NPAS3: variants seen among roughly 807,000 people sequenced by gnomAD.
NPAS3 encodes the protein neuronal PAS domain-containing protein 3.
Under a neutral mutation model 73.1 loss-of-function variants are expected in NPAS3, and 14 were observed. The ratio of observed to expected loss-of-function variants is 0.19; its 90% CI spans 0.13 to 0.30. NPAS3 has a LOEUF of 0.30. Among genes scored for constraint, NPAS3 ranks in the 10% least tolerant of loss-of-function variants. The pLI is 1.00. For missense variants in NPAS3, 1,096 were observed against 1,250.0 expected (o/e 0.88, Z 1.86); for synonymous variants, 620 against 541.5 (o/e 1.14, Z -2.01).
At chr14:33,068,024 C>T in intron 2 of NPAS3, among the ~76,000 whole-genome samples, 1 of 152,342 alleles carries the variant, frequency 6.6e-6, no homozygotes. Context: ...AGTCTCCTAA[C>T]TAGTGTTCTT....
chr14:33,740,354 C>T (rs539586025), intron 7 of NPAS3, among the ~76,000 whole-genome samples: 1 of 152,304 alleles, frequency 6.6e-6, no homozygotes, highest in Non-Finnish European at 1.5e-5. Context: ...GCCTTCTTTC[C>T]AATACCCAAC....
chr14:33,264,560 T>A (rs1226217810), intron 3 of NPAS3, among the ~76,000 whole-genome samples: 1 of 152,184 alleles, frequency 6.6e-6, no homozygotes, highest in African/African-American at 2.4e-5. Context: ...CTCATATGAT[T>A]TAACTAGATT....
chr14:33,623,199 A>G (rs867276979), intron 5 of NPAS3, among the ~76,000 whole-genome samples: 3 of 152,142 alleles, frequency 2.0e-5, no homozygotes, highest in Non-Finnish European at 4.4e-5. Context: ...ATTAAGCTCA[A>G]TATTTTGCTA....
chr14:33,002,949 G>T (rs190298318), intron 1 of NPAS3, among the ~76,000 whole-genome samples: 2 of 152,246 alleles, frequency 1.3e-5, no homozygotes, highest in African/African-American at 4.8e-5. Flanking sequence ...GTATATTATT[G>T]TGTGAGTTAG....
At chr14:33,550,414 G>T (rs1328789432) in intron 4 of NPAS3, among the ~76,000 whole-genome samples, 2 of 152,238 alleles carry the variant, frequency 1.3e-5, no homozygotes, top group East Asian at 3.8e-4. Context: ...CACTGATGAA[G>T]ATTTCTTACG....
intron 7 of NPAS3, among the ~76,000 whole-genome samples, chr14:33,761,276 C>T (rs1312927352): frequency 1.3e-5 from 2 of 152,132 alleles, no homozygotes; most frequent in African/African-American, 4.8e-5. Context: ...TAAGCCTTTA[C>T]ACTGGCAGAG....
chr14:32,948,257 T>A (rs1290547797), intron 1 of NPAS3, among the ~76,000 whole-genome samples: 1 of 152,140 alleles, frequency 6.6e-6, no homozygotes, highest in African/African-American at 2.4e-5. Flanking sequence ...AAATTTATAT[T>A]TTGGGGATGT....
intron 3 of NPAS3, among the ~76,000 whole-genome samples, chr14:33,257,860 G>T (rs1271226266): frequency 6.6e-6 from 1 of 151,858 alleles, no homozygotes. Flanking sequence ...TATTTCAAGG[G>T]TATATTTTAT....
chr14:33,301,828 G>T (rs2042562166), intron 3 of NPAS3, among the ~76,000 whole-genome samples: 1 of 152,094 alleles, frequency 6.6e-6, no homozygotes, highest in Non-Finnish European at 1.5e-5. Flanking sequence ...TTCATTTTTA[G>T]TATTTTTACA....
At chr14:33,245,723 G>T (rs2048351566) in intron 3 of NPAS3, among the ~76,000 whole-genome samples, 1 of 152,132 alleles carries the variant, frequency 6.6e-6, no homozygotes, top group African/African-American at 2.4e-5. Context: ...AACACACTGT[G>T]TTGAGGACCT....
chr14:32,944,161 A>G (rs1206806437), intron 1 of NPAS3, among the ~76,000 whole-genome samples: 1 of 152,168 alleles, frequency 6.6e-6, no homozygotes, highest in Non-Finnish European at 1.5e-5. Context: ...GCAAAATGTC[A>G]CTAAATTTAA....
intron 4 of NPAS3, among the ~76,000 whole-genome samples, chr14:33,390,200 A>T (rs923887590): frequency 6.6e-6 from 1 of 152,166 alleles, no homozygotes; most frequent in Non-Finnish European, 1.5e-5. Flanking sequence ...AGTATTTTTC[A>T]TTTGATATGA....
intron 1 of NPAS3, among the ~76,000 whole-genome samples, chr14:33,009,921 A>T (rs917942707): frequency 3.3e-5 from 5 of 152,170 alleles, no homozygotes; most frequent in African/African-American, 1.2e-4. Flanking sequence ...ATTTTCCTTC[A>T]CCATAAAATA....
At chr14:33,379,816 G>A (rs2046462121) in intron 4 of NPAS3, among the ~76,000 whole-genome samples, 1 of 152,094 alleles carries the variant, frequency 6.6e-6, no homozygotes, top group Non-Finnish European at 1.5e-5. Context: ...TGGCTTAGAA[G>A]AATCAAATCA....
chr14:33,651,167 G>C (rs2058982580), intron 5 of NPAS3, among the ~76,000 whole-genome samples: 1 of 152,204 alleles, frequency 6.6e-6, no homozygotes, highest in Admixed American at 6.5e-5. Flanking sequence ...AACTTAGGCT[G>C]TGAAGCCTTT....
intron 7 of NPAS3, among the ~76,000 whole-genome samples, chr14:33,761,509 GAA>G (rs35319622): frequency 3.9e-4 from 53 of 134,946 alleles, no homozygotes; most frequent in African/African-American, 1.1e-3. Flanking sequence ...TTCCCCAGAA[GAA>G]AAAAAAAAAA....
intron 2 of NPAS3, among the ~76,000 whole-genome samples, chr14:33,180,022 C>A (rs983414674): frequency 6.6e-6 from 1 of 152,096 alleles, no homozygotes; most frequent in African/African-American, 2.4e-5. Flanking sequence ...TGTTTGCCCT[C>A]GGGTATATTT....
At chr14:33,195,004 A>G (rs1408503838) in intron 2 of NPAS3, among the ~76,000 whole-genome samples, 3 of 152,190 alleles carry the variant, frequency 2.0e-5, no homozygotes. Context: ...TTGCATTTGT[A>G]TCTACCCATG....
intron 4 of NPAS3, among the ~76,000 whole-genome samples, chr14:33,408,259 T>TA (rs1207962642): frequency 1.3e-5 from 2 of 152,140 alleles, no homozygotes; most frequent in Admixed American, 1.3e-4. Flanking sequence ...CATTTAACTT[T>TA]ACCTGCCGAA....
Sources: gnomAD v4.1 joint callset for allele counts (sites outside exome capture counted in the v4.1 genomes callset) on GRCh38, gnomAD v4.1.1 for gene constraint, MANE v1.5 for transcripts, NCBI Gene and HGNC (gene_info 2026-07-23, HGNC 2026-07-21) for gene names.